LRRC2: variants seen among roughly 807,000 people sequenced by gnomAD.
The protein encoded by LRRC2 is leucine-rich repeat-containing protein 2.
Under a neutral mutation model 40.2 loss-of-function variants are expected in LRRC2, and 27 were observed. The ratio of observed to expected loss-of-function variants is 0.67; its 90% CI spans 0.49 to 0.93. The LOEUF (loss-of-function observed/expected upper bound fraction) is 0.93, where lower values mean the gene tolerates loss of function less well. Ranked by LOEUF, LRRC2 falls within the 40% of genes least tolerant of loss-of-function variation. The pLI is 0.00. For missense variants in LRRC2, 402 were observed against 439.6 expected (o/e 0.91, Z 0.76); for synonymous variants, 147 against 158.9 (o/e 0.92, Z 0.56).
rs1485522761 is a variant in LRRC2, at chr3:46,519,020, T to C, written c.1110A>G (p.Gln370=). 1 of 1,605,190 alleles carries C rather than the reference T, an allele frequency of 6.2e-7. No individual in the cohort carries two copies. The highest frequency in any genetic ancestry group is 1.1e-5 in the South Asian group (1 of 90,942). Reference sequence around the variant, plus strand: ...TGCAGTCTTCTGATGGATATCAAAGTTGAAGGCTAAAAGACACTTTGGTGG... The same window carrying C: ...TGCAGTCTTCTGATGGATATCAAAGCTGAAGGCTAAAAGACACTTTGGTGG... The part of the protein sequence containing the change: ...SYTTKVSFSL[Q]L The change falls in exon 9 of 9, where the codon CAA becomes CAG. Residue 370 remains glutamine (Q), a synonymous_variant. Coordinates refer to ENST00000395905, the MANE Select transcript of LRRC2 (RefSeq NM_024512.5).
At chr3:46,543,467 T>C (rs1333592280) in intron 3 of LRRC2, among the ~76,000 whole-genome samples, 1 of 151,722 alleles carries the variant, frequency 6.6e-6, no homozygotes, top group African/African-American at 2.4e-5. Flanking sequence ...ATACAAAAAT[T>C]TAGCCGGGTA....
intron 3 of LRRC2, among the ~76,000 whole-genome samples, chr3:46,543,155 A>C (rs1037758819): frequency 6.6e-6 from 1 of 151,996 alleles, no homozygotes; most frequent in African/African-American, 2.4e-5. Flanking sequence ...GTCTTCCTGG[A>C]CTCTCCTGTA....
chr3:46,523,255 G>A (rs1703997359), intron 7 of LRRC2, among the ~76,000 whole-genome samples: 1 of 151,956 alleles, frequency 6.6e-6, no homozygotes, highest in African/African-American at 2.4e-5. Flanking sequence ...AGTAATCATT[G>A]TACACATTTT....
intron 1 of LRRC2, among the ~76,000 whole-genome samples, chr3:46,552,472 A>AGT (rs918747851): frequency 6.6e-6 from 1 of 151,960 alleles, no homozygotes; most frequent in Non-Finnish European, 1.5e-5. Context: ...AAGATATTTG[A>AGT]GTGTTCTTTC....
At chr3:46,532,663 A>G (rs1197610584) in intron 5 of LRRC2, 110 bp downstream of exon 5, 1 of 1,175,892 alleles carries the variant, frequency 8.5e-7, no homozygotes. Context: ...GGAAAAGGTG[A>G]TATAATAAAG....
intron 4 of LRRC2, among the ~76,000 whole-genome samples, chr3:46,535,122 T>C (rs937060692): frequency 2.3e-4 from 35 of 152,248 alleles, no homozygotes; most frequent in African/African-American, 8.4e-4. Flanking sequence ...AAATACTCCA[T>C]GTTAATAACT....
intron 3 of LRRC2, among the ~76,000 whole-genome samples, chr3:46,539,937 C>T (rs1236041465): frequency 1.3e-5 from 2 of 151,946 alleles, no homozygotes; most frequent in African/African-American, 4.8e-5. Flanking sequence ...GGGTGCTCAG[C>T]ACTGAGGGGT....
chr3:46,548,913 G>A (rs6778305), intron 2 of LRRC2, among the ~76,000 whole-genome samples: 12,199 of 152,176 alleles, frequency 0.08, 573 homozygotes, highest in South Asian at 0.17. Context: ...GCTCCTATGA[G>A]AATCTAATGC....
chr3:46,534,085 C>A (rs945232529), intron 4 of LRRC2, among the ~76,000 whole-genome samples: 7 of 151,942 alleles, frequency 4.6e-5, no homozygotes, highest in South Asian at 4.2e-4. Context: ...CCTTGCCCCA[C>A]CAGCCCCCAA....
intron 7 of LRRC2, among the ~76,000 whole-genome samples, chr3:46,526,401 T>C (rs1426332575): frequency 2.0e-5 from 3 of 152,204 alleles, no homozygotes; most frequent in Non-Finnish European, 4.4e-5. Context: ...GGGCTGGATG[T>C]GGAAGGGGCT....
chr3:46,529,719 G>A (rs898948401), intron 6 of LRRC2, among the ~76,000 whole-genome samples, 186 bp downstream of exon 6: 2 of 152,212 alleles, frequency 1.3e-5, no homozygotes, highest in African/African-American at 4.8e-5. Flanking sequence ...ACACATACAT[G>A]TATGATGCAG....
chr3:46,534,448 CTTTCTTTCTTTCTTTCTTTCTTTG>C (rs1704234869), intron 4 of LRRC2, among the ~76,000 whole-genome samples: 6 of 133,982 alleles, frequency 4.5e-5, no homozygotes, highest in Non-Finnish European at 9.1e-5. Context: ...TTCTTTCTTT[CTTTCTTTCTTTCTTTCTTTCTTTG>C]TTTCTTTCTT....
At chr3:46,541,371 G>T (rs1336890537) in intron 3 of LRRC2, among the ~76,000 whole-genome samples, 1 of 151,546 alleles carries the variant, frequency 6.6e-6, no homozygotes, top group Non-Finnish European at 1.5e-5. Context: ...AAAATATTAG[G>T]ATATCAAATG....
At position 46,523,530 on chromosome 3, in the gene LRRC2, G is replaced by A. The variant is rs1575343927; in HGVS notation, c.930-1872C>T. Among the ~76,000 whole-genome samples the A allele has an allele frequency of 2.6e-5, 4 of 151,986 alleles. No individual in the cohort carries two copies. In the South Asian group the frequency reaches 8.3e-4, roughly 31 times the overall value. ...TTTTACTTTTTAAACATTTTATTAT[G>A]AAAATTCTTAAATATTCACAAAAGT... On this transcript the variant is annotated intron_variant, in intron 7 of 8. Coordinates refer to ENST00000395905, the MANE Select transcript of LRRC2 (RefSeq NM_024512.5).
chr3:46,543,690 T>C (rs1418012104), intron 3 of LRRC2, among the ~76,000 whole-genome samples: 1 of 151,890 alleles, frequency 6.6e-6, no homozygotes, highest in Non-Finnish European at 1.5e-5. Flanking sequence ...AAAAGGTAGA[T>C]TGTGAAACAT....
chr3:46,547,989 C>A (rs1559417409), intron 2 of LRRC2, among the ~76,000 whole-genome samples: 1 of 152,232 alleles, frequency 6.6e-6, no homozygotes, highest in South Asian at 2.1e-4. Flanking sequence ...AGAAGCAATA[C>A]CTCCAAAATT....
In LRRC2 at chr3:46,543,995, T is replaced by C. The variant is rs1309546834; in HGVS notation, c.333+1051A>G. 4.0e-5 allele frequency among the ~76,000 whole-genome samples: 4 copies of C among 100,458 alleles called. No homozygotes were observed. The East Asian group carries it at 1.2e-3, about 29-fold the overall frequency. 65.9% of individuals were successfully genotyped at this position (100,458 alleles called of 152,430 possible). On this transcript the variant is annotated intron_variant, in intron 3 of 8. Coordinates refer to ENST00000395905, the MANE Select transcript of LRRC2 (RefSeq NM_024512.5). ...ACTCAGATAGGGTCAGGGCAAGCAT[T>C]AGCAGCATTTTACTGATAAGAATGA...
At chr3:46,538,765 A>G (rs1704319436) in intron 4 of LRRC2, among the ~76,000 whole-genome samples, 1 of 152,282 alleles carries the variant, frequency 6.6e-6, no homozygotes, top group African/African-American at 2.4e-5. Context: ...GAAAATAAAC[A>G]CAGAGTTCCT....
At chr3:46,519,807 C>T (rs1431129916) in intron 8 of LRRC2, among the ~76,000 whole-genome samples, 2 of 152,148 alleles carry the variant, frequency 1.3e-5, no homozygotes, top group Non-Finnish European at 2.9e-5. Flanking sequence ...TATTTTTTCA[C>T]TCAGACATTG....
Sources: gnomAD v4.1 joint callset for allele counts (sites outside exome capture counted in the v4.1 genomes callset) on GRCh38, gnomAD v4.1.1 for gene constraint, MANE v1.5 for transcripts, NCBI Gene and HGNC (gene_info 2026-07-23, HGNC 2026-07-21) for gene names.